The following TTYH1 variants were observed in gnomAD, a reference collection of about 807,000 sequenced individuals.
TTYH1 encodes protein tweety homolog 1.
In TTYH1, 33 loss-of-function variants were observed where a neutral mutation model predicts 61.2. The ratio of observed to expected loss-of-function variants is 0.54; its 90% CI spans 0.41 to 0.72. The LOEUF is 0.72. TTYH1 is among the 30% of genes least tolerant of loss of function. TTYH1 has a pLI of 0.00. For missense variants in TTYH1, 538 were observed against 575.8 expected (o/e 0.93, Z 0.67); for synonymous variants, 308 against 266.4 (o/e 1.16, Z -1.52).
At chr19:54,430,053 TG>T (rs2083403559) in intron 7 of TTYH1, 96 bp downstream of exon 7, 18 of 1,129,868 alleles carry the variant, frequency 1.6e-5, no homozygotes, top group Non-Finnish European at 2.1e-5. Context: ...CAGGGTGGGG[TG>T]GGGGTGCAGC....
chr19:54,430,567 C>T lies in TTYH1; in HGVS notation c.901C>T (p.Leu301Phe), dbSNP rs1258259102. ...GLSSDILSYYLLCNRAVSNPF... is the reference protein window; with the variant it reads ...GLSSDILSYYFLCNRAVSNPF... ...CACTTCAGACATCCTGAGCTATTAT[C>T]TCCTCTGCAACCGGGCCGTCTCCAA... Residue 301 changes from leucine (L) to phenylalanine (F), a missense_variant, in exon 8 of 14, where the codon CTC becomes TTC. This residue lies in a region of TTYH1 where 378 missense variants were observed against 401.2 expected (regional missense o/e 0.94). Transcript: ENST00000376530. The T allele has an allele frequency of 4.3e-6, 7 of 1,614,054 alleles. No individual in the cohort carries two copies. The highest frequency in any genetic ancestry group is 5.9e-6 in the Non-Finnish European group (7 of 1,179,990).
intron 5 of TTYH1, among the ~76,000 whole-genome samples, chr19:54,427,286 G>GGC (rs2083340863): frequency 1.0e-5 from 1 of 95,298 alleles, no homozygotes; most frequent in African/African-American, 4.3e-5. Flanking sequence ...GCGACAGAGT[G>GGC]ACACTCCATC....
chr19:54,436,289 C>G lies in TTYH1; in HGVS notation c.*43-44C>G, dbSNP rs2083551136. 2 of 1,613,480 alleles carry G rather than the reference C, an allele frequency of 1.2e-6. No individual in the cohort carries two copies. The highest frequency in any genetic ancestry group is 3.3e-5 in the Admixed American group (2 of 59,984). ...TGCTGGGTGGATCGCACCGGGCAGGCCCTCCAGCCTGCATCACTGCCCTGT... is the reference window on the plus strand; with the variant it reads ...TGCTGGGTGGATCGCACCGGGCAGGGCCTCCAGCCTGCATCACTGCCCTGT... On this transcript the variant is annotated intron_variant, in intron 13 of 13. Transcript: ENST00000376530. The surrounding 1 kb of genome is among the most constrained non-coding windows in gnomAD (Gnocchi z 4.3).
chr19:54,415,819 A>C lies in TTYH1; in HGVS notation c.126+141A>C. 2 of 1,051,108 alleles carry C rather than the reference A, an allele frequency of 1.9e-6. No individual in the cohort carries two copies. The highest frequency in any genetic ancestry group is 3.8e-5 in the South Asian group (2 of 52,210). 65.1% of individuals were successfully genotyped at this position (1,051,108 alleles called of 1,614,324 possible). A position where few individuals can be genotyped will look rare whatever the true frequency, so the allele number is the denominator to read the frequency against. ...GCCCGGACTTTGGGGTTTCGGAGGG[A>C]GGAGGAGCCTGGGGGCGCCCATGCC... On this transcript the variant is annotated intron_variant, in intron 1 of 13. Coordinates refer to ENST00000376530, the MANE Select transcript of TTYH1 (RefSeq NM_020659.4). This position sits in a 1 kb window ranked among gnomAD's most constrained non-coding sequence, Gnocchi z 5.2.
At position 54,416,901 on chromosome 19, in the gene TTYH1, C is replaced by A. The variant is rs1165071703; in HGVS notation, c.126+1223C>A. 7.8e-7 allele frequency: 1 copy of A among 1,286,916 alleles called. No individual in the cohort carries two copies. Among genetic ancestry groups the A allele is most frequent in the South Asian group, 1.2e-5 (1 of 80,632 alleles). The allele number at this position is 1,286,916 out of a possible 1,614,324, so 79.7% of individuals were successfully genotyped here. A position where few individuals can be genotyped will look rare whatever the true frequency, so the allele number is the denominator to read the frequency against. ...ACCTCCCGAAGCCGCACGCGGGGATCCGCGGCCCCAGTCACCGCCAGAGGC... is the reference window on the plus strand; with the variant it reads ...ACCTCCCGAAGCCGCACGCGGGGATACGCGGCCCCAGTCACCGCCAGAGGC... On this transcript the variant is annotated intron_variant, in intron 1 of 13. Coordinates refer to ENST00000376530, the MANE Select transcript of TTYH1 (RefSeq NM_020659.4). The surrounding 1 kb of genome is among the most constrained non-coding windows in gnomAD (Gnocchi z 7.0).
At chr19:54,427,724 C>T (rs551783209) in intron 5 of TTYH1, among the ~76,000 whole-genome samples, 10 of 152,218 alleles carry the variant, frequency 6.6e-5, no homozygotes, top group East Asian at 3.9e-4. Context: ...TCCATGTGGC[C>T]GGTCAGGGAC....
rs1379614496 is a variant in TTYH1 at position 54,416,860 on chromosome 19, C to T, written c.126+1182C>T. The T allele has an allele frequency of 7.0e-6, 9 of 1,292,436 alleles. No homozygotes were observed. Among genetic ancestry groups the T allele is most frequent in the Non-Finnish European group, 9.1e-6 (9 of 988,362 alleles). 80.1% of individuals were successfully genotyped at this position (1,292,436 alleles called of 1,614,324 possible). On this transcript the variant is annotated intron_variant, in intron 1 of 13. Transcript: ENST00000376530. This position sits in a 1 kb window ranked among gnomAD's most constrained non-coding sequence, Gnocchi z 7.0. Reference sequence around the variant, plus strand: ...CTCCGGCCTCGGCCCAGACTCACGCCCGCTCTGGCCCGGAGACCTCCCGAA... The same window carrying T: ...CTCCGGCCTCGGCCCAGACTCACGCTCGCTCTGGCCCGGAGACCTCCCGAA...
intron 4 of TTYH1, among the ~76,000 whole-genome samples, chr19:54,424,894 G>A (rs1027714760): frequency 6.6e-6 from 1 of 152,066 alleles, no homozygotes; most frequent in Admixed American, 6.6e-5. Context: ...CTGTTGTTAC[G>A]GCGGGTCCTT....
rs2083411509 is a variant in TTYH1 at position 54,430,428 on chromosome 19, TC to T, written c.884-121del. On this transcript the variant is annotated intron_variant, in intron 7 of 13. Coordinates refer to ENST00000376530, the MANE Select transcript of TTYH1 (RefSeq NM_020659.4). ...TGGCGGGTCTCTGAAGGTAAGGCCA[TC>T]GGGCTCCAGGGCTGGGCTGAGGCCC... is the stretch of plus-strand genomic sequence containing the variant. 2.8e-6 allele frequency: 3 copies of T among 1,078,562 alleles called. No homozygotes were observed. The Admixed American group carries it at 5.5e-5, about 20-fold the overall frequency. 66.8% of individuals were successfully genotyped at this position (1,078,562 alleles called of 1,614,324 possible). A position where few individuals can be genotyped will look rare whatever the true frequency, so the allele number is the denominator to read the frequency against.
chr19:54,430,943 C>T, intron 9 of TTYH1, 38 bp downstream of exon 9: 1 of 1,524,746 alleles, frequency 6.6e-7, no homozygotes, highest in African/African-American at 1.4e-5. Flanking sequence ...GCGGACCCCA[C>T]GGGGAAGGCG....
chr19:54,418,286 C>A (rs994165477), intron 1 of TTYH1: 3 of 152,448 alleles, frequency 2.0e-5, no homozygotes, highest in African/African-American at 7.2e-5. Context: ...TGCCTGTCTT[C>A]CGGGCCTTGG....
intron 10 of TTYH1, chr19:54,432,831 T>A (rs1416952619): frequency 6.6e-6 from 1 of 152,248 alleles, no homozygotes; most frequent in East Asian, 1.9e-4. Flanking sequence ...GAATTTGATC[T>A]GGCAACCCTA....
intron 4 of TTYH1, among the ~76,000 whole-genome samples, chr19:54,422,834 CAGGAG>C (rs900348519): frequency 6.8e-6 from 1 of 147,266 alleles, no homozygotes; most frequent in Non-Finnish European, 1.5e-5. Flanking sequence ...GAGGCTGAGG[CAGGAG>C]AATCCCTTGA....
chr19:54,427,740 T>G lies in TTYH1; in HGVS notation c.734+972T>G, dbSNP rs2083357292. ...CCATGTGGCCGGTCAGGGACCTGAC[T>G]AAGAGCGCAGAGGGTGGCCAAGTCC... On this transcript the variant is annotated intron_variant, in intron 5 of 13. Transcript: ENST00000376530. Among the ~76,000 whole-genome samples, 4 of 152,066 alleles carry G rather than the reference T, an allele frequency of 2.6e-5. No homozygotes were observed. In the South Asian group the frequency reaches 8.3e-4, roughly 31 times the overall value.
rs2083398417 is a variant in TTYH1, at chr19:54,429,763, G to A, written c.808-119G>A. 1 of 843,486 alleles carries A rather than the reference G, an allele frequency of 1.2e-6. No individual in the cohort carries two copies. 52.3% of individuals were successfully genotyped at this position (843,486 alleles called of 1,614,324 possible). A position where few individuals can be genotyped will look rare whatever the true frequency, so the allele number is the denominator to read the frequency against. ...TGGACTCCTGAGTCTGAGGGAAGAGGGGCTGGGACCTGGACCCCTGGGTGG... is the reference window on the plus strand; with the variant it reads ...TGGACTCCTGAGTCTGAGGGAAGAGAGGCTGGGACCTGGACCCCTGGGTGG... On this transcript the variant is annotated intron_variant, in intron 6 of 13. Transcript: ENST00000376530. This position sits in a 1 kb window ranked among gnomAD's most constrained non-coding sequence, Gnocchi z 5.1.
At position 54,429,765 on chromosome 19, in the gene TTYH1, G is replaced by C. The variant is rs2083398449; in HGVS notation, c.808-117G>C. ...GACTCCTGAGTCTGAGGGAAGAGGG[G>C]CTGGGACCTGGACCCCTGGGTGGGG... On this transcript the variant is annotated intron_variant, in intron 6 of 13. Transcript: ENST00000376530. This position sits in a 1 kb window ranked among gnomAD's most constrained non-coding sequence, Gnocchi z 5.1. 2 of 859,982 alleles carry C rather than the reference G, an allele frequency of 2.3e-6. No homozygotes were observed. The highest frequency in any genetic ancestry group is 4.3e-5 in the Admixed American group (2 of 46,940). 53.3% of individuals were successfully genotyped at this position (859,982 alleles called of 1,614,324 possible).
chr19:54,416,768 C>T lies in TTYH1; in HGVS notation c.126+1090C>T, dbSNP rs567064155. The T allele has an allele frequency of 1.1e-5, 14 of 1,292,920 alleles. No individual in the cohort carries two copies. In the African/African-American group the frequency reaches 1.7e-4, roughly 15 times the overall value. The allele number at this position is 1,292,920 out of a possible 1,614,324, so 80.1% of individuals were successfully genotyped here. On this transcript the variant is annotated intron_variant, in intron 1 of 13. Coordinates refer to ENST00000376530, the MANE Select transcript of TTYH1 (RefSeq NM_020659.4). The surrounding 1 kb of genome is among the most constrained non-coding windows in gnomAD (Gnocchi z 7.0). Reference sequence around the variant, plus strand: ...CGCCCCCTCTCCCCACACACGGGGACCGCCGTCCCCTCGCCCACAGCCTCG... The same window carrying T: ...CGCCCCCTCTCCCCACACACGGGGATCGCCGTCCCCTCGCCCACAGCCTCG...
At position 54,419,501 on chromosome 19, in the gene TTYH1, A is replaced by G. The variant is rs1382230609; in HGVS notation, c.305+195A>G. On this transcript the variant is annotated intron_variant, in intron 2 of 13. Coordinates refer to ENST00000376530, the MANE Select transcript of TTYH1 (RefSeq NM_020659.4). The surrounding 1 kb of genome is among the most constrained non-coding windows in gnomAD (Gnocchi z 6.1). The stretch of plus-strand genomic sequence containing the variant: ...ACTGTCCCATTTGATGGATGGAGAA[A>G]GTGAGGCTCTGGAGAGGAAGTGAAT... The G allele has an allele frequency of 2.7e-6, 2 of 731,178 alleles. No homozygotes were observed. The highest frequency in any genetic ancestry group is 4.9e-6 in the Non-Finnish European group (2 of 411,954). The allele number at this position is 731,178 out of a possible 1,614,324, so 45.3% of individuals were successfully genotyped here.
At position 54,435,646 on chromosome 19, in the gene TTYH1, C is replaced by T. The variant is rs2122961820; in HGVS notation, c.1230C>T (p.Leu410=). Residue 410 remains leucine (L), a synonymous_variant, in exon 11 of 14, where the codon CTC becomes CTT. Coordinates refer to ENST00000376530, the MANE Select transcript of TTYH1 (RefSeq NM_020659.4). ...LLSAGALATA[L]CSLPRAWALF... ...CTGCAGGAGCGCTGGCCACTGCCCT[C>T]TGCAGCCTGCCCCGAGCCTGGGCCC... 1 of 1,611,808 alleles carries T rather than the reference C, an allele frequency of 6.2e-7. No individual in the cohort carries two copies. The highest frequency in any genetic ancestry group is 1.1e-5 in the South Asian group (1 of 90,952).
Sources: gnomAD v4.1 joint callset for allele counts (sites outside exome capture counted in the v4.1 genomes callset) on GRCh38, gnomAD v4.1.1 for gene constraint, gnomAD v4.1.1 regional missense constraint, Gnocchi (gnomAD v3.1) non-coding constraint, MANE v1.5 for transcripts, NCBI Gene and HGNC (gene_info 2026-07-23, HGNC 2026-07-21) for gene names.